Variants in BCAS3 observed in about 807,000 individuals in gnomAD.
BCAS3 encodes the protein BCAS4/BCAS3 fusion.
BCAS3 carries 53 observed loss-of-function variants against 116.1 expected under a neutral mutation model. The observed-to-expected ratio is 0.46, with a 90% CI of 0.37 to 0.57. The LOEUF is 0.57. BCAS3 is among the 20% of genes least tolerant of loss of function. BCAS3 has a pLI of 0.00. For missense variants in BCAS3, 917 were observed against 1,165.4 expected (o/e 0.79, Z 3.10); for synonymous variants, 391 against 408.2 (o/e 0.96, Z 0.51).
chr17:60,857,352 TC>T (rs994134730), intron 7 of BCAS3, among the ~76,000 whole-genome samples: 3 of 152,064 alleles, frequency 2.0e-5, no homozygotes, highest in African/African-American at 4.8e-5. Context: ...TCTAGGAACT[TC>T]CCCCCACTTT....
Position 61,349,625 on chromosome 17 carries a change from A to G in BCAS3, c.2426-18702A>G, listed in dbSNP as rs2057712584. On this transcript the variant is annotated intron_variant, in intron 22 of 23. Transcript: ENST00000407086. The surrounding 1 kb of genome is among the most constrained non-coding windows in gnomAD (Gnocchi z 4.7). ...TGACTGTAATCCAACATGTTTTTTA[A>G]AGCTAGCATATGTTTCAAAGCTGAC... 6.6e-6 allele frequency among the ~76,000 whole-genome samples: 1 copy of G among 152,220 alleles called. No individual in the cohort carries two copies. The highest frequency in any genetic ancestry group is 6.5e-5 in the Admixed American group (1 of 15,284).
In BCAS3 at chr17:61,316,639, G is replaced by C. The variant is rs2054766667; in HGVS notation, c.2426-51688G>C. On this transcript the variant is annotated intron_variant, in intron 22 of 23. Coordinates refer to ENST00000407086, the MANE Select transcript of BCAS3 (RefSeq NM_017679.5). The surrounding 1 kb of genome is among the most constrained non-coding windows in gnomAD (Gnocchi z 5.8). Reference sequence around the variant, plus strand: ...ATCTGATAAAATAAAGGAAAGGTTAGAGGGAGGGAGAGAGGGAAGGAGAAG... The same window carrying C: ...ATCTGATAAAATAAAGGAAAGGTTACAGGGAGGGAGAGAGGGAAGGAGAAG... Among the ~76,000 whole-genome samples, 1 of 152,190 alleles carries C rather than the reference G, an allele frequency of 6.6e-6. No homozygotes were observed. Among genetic ancestry groups the C allele is most frequent in the African/African-American group, 2.4e-5 (1 of 41,444 alleles).
At chr17:61,005,206 A>C (rs754733036) in intron 15 of BCAS3, among the ~76,000 whole-genome samples, 1 of 152,130 alleles carries the variant, frequency 6.6e-6, no homozygotes, top group Non-Finnish European at 1.5e-5. Flanking sequence ...AGTCATAGGC[A>C]TACTTTTGGA....
chr17:60,971,291 G>T (rs1161392170), intron 14 of BCAS3, among the ~76,000 whole-genome samples: 4 of 152,156 alleles, frequency 2.6e-5, no homozygotes, highest in African/African-American at 4.8e-5. Flanking sequence ...CTTCTAGAGG[G>T]TTTTCAGAAT....
intron 4 of BCAS3, among the ~76,000 whole-genome samples, chr17:60,699,516 C>CA (rs1379936313): frequency 6.6e-6 from 1 of 152,176 alleles, no homozygotes; most frequent in Non-Finnish European, 1.5e-5. Flanking sequence ...CCACCACGCC[C>CA]AGCCAAAAAC....
intron 5 of BCAS3, among the ~76,000 whole-genome samples, chr17:60,715,132 CTTTTTT>C: frequency 8.0e-6 from 1 of 125,384 alleles, no homozygotes; most frequent in Admixed American, 8.0e-5. Context: ...CTTTCTCTTT[CTTTTTT>C]TTTTTTTTTT....
At position 61,356,351 on chromosome 17, in the gene BCAS3, G is replaced by T. The variant is rs2058139300; in HGVS notation, c.2426-11976G>T. ...ATGATTCTTCTCTTCCTCCTTGGAG[G>T]GGGAGAAATCATGAGTGTGCCAAGT... On this transcript the variant is annotated intron_variant, in intron 22 of 23. Transcript: ENST00000407086. This position sits in a 1 kb window ranked among gnomAD's most constrained non-coding sequence, Gnocchi z 5.4. 6.6e-6 allele frequency among the ~76,000 whole-genome samples: 1 copy of T among 152,222 alleles called. No individual in the cohort carries two copies. Among genetic ancestry groups the T allele is most frequent in the South Asian group, 2.1e-4 (1 of 4,830 alleles).
intron 15 of BCAS3, among the ~76,000 whole-genome samples, chr17:60,997,638 A>T (rs2060855713): frequency 6.6e-6 from 1 of 152,182 alleles, no homozygotes; most frequent in Non-Finnish European, 1.5e-5. Flanking sequence ...AGTAAATTTA[A>T]TTACATATCT....
Position 61,327,634 on chromosome 17 carries a change from C to T in BCAS3, c.2426-40693C>T, listed in dbSNP as rs1447552279. 3.3e-5 allele frequency among the ~76,000 whole-genome samples: 5 copies of T among 152,054 alleles called. No homozygotes were observed. Among genetic ancestry groups the T allele is most frequent in the Non-Finnish European group, 5.9e-5 (4 of 68,004 alleles). On this transcript the variant is annotated intron_variant, in intron 22 of 23. Coordinates refer to ENST00000407086, the MANE Select transcript of BCAS3 (RefSeq NM_017679.5). The surrounding 1 kb of genome is among the most constrained non-coding windows in gnomAD (Gnocchi z 5.9). ...AAGACATTCTCCTGCCTCAGCCTCC[C>T]GAGTAGCTGGGATTACAGGCATGTA...
At chr17:60,840,131 A>G (rs968955684) in intron 7 of BCAS3, among the ~76,000 whole-genome samples, 4 of 152,162 alleles carry the variant, frequency 2.6e-5, no homozygotes, top group African/African-American at 7.2e-5. Flanking sequence ...AAGAAAAAAC[A>G]TACTGTTACA....
intron 22 of BCAS3, among the ~76,000 whole-genome samples, chr17:61,338,949 C>T (rs1023549672): frequency 1.1e-4 from 16 of 140,222 alleles, no homozygotes; most frequent in African/African-American, 3.8e-4. Context: ...AAGATGAACT[C>T]TTCTTTCTCC....
intron 22 of BCAS3, among the ~76,000 whole-genome samples, chr17:61,360,425 A>C (rs1772189658): frequency 6.6e-6 from 1 of 152,162 alleles, no homozygotes. Context: ...TGCTTTAAGG[A>C]ATTACCATAA....
intron 6 of BCAS3, among the ~76,000 whole-genome samples, chr17:60,772,883 A>AG (rs898286158): frequency 2.0e-5 from 3 of 152,118 alleles, no homozygotes; most frequent in African/African-American, 7.2e-5. Context: ...AGAAAAAAAA[A>AG]GGGGGGCTTA....
rs1468154385 is a variant in BCAS3 at position 61,343,869 on chromosome 17, C to T, written c.2426-24458C>T. 1.3e-5 allele frequency among the ~76,000 whole-genome samples: 2 copies of T among 152,194 alleles called. No individual in the cohort carries two copies. Among genetic ancestry groups the T allele is most frequent in the Non-Finnish European group, 2.9e-5 (2 of 68,040 alleles). Reference sequence around the variant, plus strand: ...TTCTGCTCTGCAGCCCCCATGGCGACACCCTCTCTCTTTGGACCACCTCCT... The same window carrying T: ...TTCTGCTCTGCAGCCCCCATGGCGATACCCTCTCTCTTTGGACCACCTCCT... On this transcript the variant is annotated intron_variant, in intron 22 of 23. Coordinates refer to ENST00000407086, the MANE Select transcript of BCAS3 (RefSeq NM_017679.5). This position sits in a 1 kb window ranked among gnomAD's most constrained non-coding sequence, Gnocchi z 5.5.
At position 60,722,014 on chromosome 17, in the gene BCAS3, T is replaced by C. The variant is rs746570621; in HGVS notation, c.321+12689T>C. Among the ~76,000 whole-genome samples, 51 of 152,190 alleles carry C rather than the reference T, an allele frequency of 3.4e-4. 1 individual carries two copies. Among genetic ancestry groups the C allele is most frequent in the Non-Finnish European group, 1.0e-4 (7 of 68,016 alleles). ...GTCTCTTAACATTATGACTGTAAGA[T>C]TTGTTTTTATGCTATTGTGTGTAAC... On this transcript the variant is annotated intron_variant, in intron 5 of 23. Transcript: ENST00000407086.
intron 2 of BCAS3, among the ~76,000 whole-genome samples, chr17:60,680,051 G>A (rs950652916): frequency 6.7e-6 from 1 of 148,708 alleles, no homozygotes; most frequent in Non-Finnish European, 1.5e-5. Flanking sequence ...GGAGAATGAC[G>A]TGAACCTGGG....
At chr17:60,894,171 A>AAAT (rs2057362353) in intron 10 of BCAS3, among the ~76,000 whole-genome samples, 4 of 152,114 alleles carry the variant, frequency 2.6e-5, no homozygotes, top group Admixed American at 1.3e-4. Flanking sequence ...TTCTCTGGCC[A>AAAT]GTATGGTCAT....
chr17:61,190,890 A>C (rs2080069594), intron 22 of BCAS3, among the ~76,000 whole-genome samples: 1 of 152,140 alleles, frequency 6.6e-6, no homozygotes, highest in African/African-American at 2.4e-5. Flanking sequence ...GGTGTGAGCC[A>C]CCGTGCCTGG....
intron 22 of BCAS3, among the ~76,000 whole-genome samples, chr17:61,298,109 C>A (rs2053098523): frequency 6.6e-6 from 1 of 152,162 alleles, no homozygotes; most frequent in Non-Finnish European, 1.5e-5. Flanking sequence ...TCACTTTCAG[C>A]ATGATCCTTC....
Sources: gnomAD v4.1 joint callset for allele counts (sites outside exome capture counted in the v4.1 genomes callset) on GRCh38, gnomAD v4.1.1 for gene constraint, Gnocchi (gnomAD v3.1) non-coding constraint, MANE v1.5 for transcripts, NCBI Gene and HGNC (gene_info 2026-07-23, HGNC 2026-07-21) for gene names.